WDR59: variants seen among roughly 807,000 people sequenced by gnomAD.
The protein encoded by WDR59 is WD repeat domain 59, also known as GATOR2 complex protein WDR59.
WDR59 carries 100 observed loss-of-function variants against 131.2 expected under a neutral mutation model. The observed-to-expected ratio is 0.76, with a 90% CI of 0.65 to 0.90. The LOEUF is 0.90. Among genes scored for constraint, WDR59 ranks in the 40% least tolerant of loss-of-function variants. The pLI, the probability that WDR59 is intolerant of heterozygous loss-of-function variation, is 0.00. For synonymous variants in WDR59, 601 were observed against 466.2 expected (o/e 1.29, Z -3.72); for missense variants, 1,203 against 1,262.2 (o/e 0.95, Z 0.71).
rs1964833037 is a variant in WDR59 at position 74,887,682 on chromosome 16, C to G, written c.2419+1G>C. 3 of 1,614,042 alleles carry G rather than the reference C, an allele frequency of 1.9e-6. No individual in the cohort carries two copies. Among genetic ancestry groups the G allele is most frequent in the Non-Finnish European group, 2.5e-6 (3 of 1,179,946 alleles). ...GTGGGCTAAGTCATTTCCATACAAA[C>G]CTATGTTCCAGCCGCCAGTGTTGAG... On this transcript the variant is annotated splice_donor_variant, in intron 23 of 25. Transcript: ENST00000262144. LOFTEE classifies it high-confidence loss of function.
rs762788348 is a variant in WDR59, at chr16:74,893,818, G to A, written c.1867-6C>T. The A allele has an allele frequency of 5.6e-6, 9 of 1,613,728 alleles. No individual in the cohort carries two copies. The highest frequency in any genetic ancestry group is 7.6e-6 in the Non-Finnish European group (9 of 1,179,866). On this transcript the variant is annotated splice_region_variant and splice_polypyrimidine_tract_variant and intron_variant, in intron 18 of 25. Transcript: ENST00000262144. ...CTTTTCCATCGTCTTGATTTCTAGG[G>A]GTAGATGACAGGATGTAACTAATGG... is the stretch of plus-strand genomic sequence containing the variant.
At chr16:74,924,781 C>T (rs535758864) in intron 8 of WDR59, among the ~76,000 whole-genome samples, 4 of 152,266 alleles carry the variant, frequency 2.6e-5, no homozygotes, top group African/African-American at 7.2e-5. Flanking sequence ...CTGGAAATCG[C>T]TATGGCAATT....
Position 74,923,933 on chromosome 16 carries a change from C to A in WDR59, c.722G>T (p.Arg241Ile). Residue 241 changes from arginine to isoleucine, a missense_variant, in exon 9 of 26, where the codon AGA becomes ATA. Arg to Ile is a moderately conservative substitution (Grantham distance 97, BLOSUM62 -3). Transcript: ENST00000262144. ...GCAGGGTGGCTCACTCACTGTGTAT[C>A]TGGCCTTCCAGACAGGCACCTGGCA... The part of the protein sequence containing the change: ...LPCQVPVWKA[R>I]YTPFSNGLVT... The A allele has an allele frequency of 6.2e-7, 1 of 1,613,424 alleles. No individual in the cohort carries two copies. The highest frequency in any genetic ancestry group is 2.2e-5 in the East Asian group (1 of 44,878).
chr16:74,911,648 C>A (rs933406830), intron 14 of WDR59, among the ~76,000 whole-genome samples: 3 of 152,214 alleles, frequency 2.0e-5, no homozygotes, highest in African/African-American at 7.2e-5. Flanking sequence ...GCTAGCCAGC[C>A]TGTCTCTAGG....
At chr16:74,918,240 G>C (rs1439414762) in intron 10 of WDR59, among the ~76,000 whole-genome samples, 5 of 152,064 alleles carry the variant, frequency 3.3e-5, no homozygotes, top group Non-Finnish European at 7.4e-5. Context: ...TAAAACATCT[G>C]GTATAAAGAA....
At chr16:74,983,067 G>T (rs1208003918) in intron 1 of WDR59, among the ~76,000 whole-genome samples, 2 of 152,190 alleles carry the variant, frequency 1.3e-5, no homozygotes, top group Non-Finnish European at 2.9e-5. Flanking sequence ...GAATGGCCAG[G>T]CACAGTCGCT....
Position 74,960,139 on chromosome 16 carries a change from G to A in WDR59, c.105-3529C>T, listed in dbSNP as rs535195696. ...GAGCTCAGGGGCTTGAGACCAGCCT[G>A]GGCAAAACGGTGAAACCCCGTTTCT... is the stretch of plus-strand genomic sequence containing the variant. On this transcript the variant is annotated intron_variant, in intron 2 of 25. Transcript: ENST00000262144. Among the ~76,000 whole-genome samples, 7 of 152,008 alleles carry A rather than the reference G, an allele frequency of 4.6e-5. No individual in the cohort carries two copies. The South Asian group carries it at 1.5e-3, about 32-fold the overall frequency.
At chr16:74,955,792 C>A (rs941560068) in intron 3 of WDR59, among the ~76,000 whole-genome samples, 1 of 151,972 alleles carries the variant, frequency 6.6e-6, no homozygotes, top group Non-Finnish European at 1.5e-5. Context: ...TCCTGCCAGC[C>A]CAATGCAAAA....
At chr16:74,940,988 G>A (rs992611464) in intron 7 of WDR59, among the ~76,000 whole-genome samples, 1 of 151,964 alleles carries the variant, frequency 6.6e-6, no homozygotes. Flanking sequence ...ACAGGTGTGA[G>A]CCACCGCGCC....
At chr16:74,956,424 C>T (rs757106570) in intron 3 of WDR59, 51 bp downstream of exon 3, 2 of 1,594,728 alleles carry the variant, frequency 1.3e-6, no homozygotes, top group African/African-American at 2.7e-5. Flanking sequence ...ATCTGCCAGC[C>T]CCAGATGACA....
chr16:74,971,062 A>T (rs1278326729), intron 1 of WDR59, among the ~76,000 whole-genome samples: 2 of 151,998 alleles, frequency 1.3e-5, no homozygotes, highest in Non-Finnish European at 2.9e-5. Flanking sequence ...AAAAAGCCAA[A>T]AAAAAGATGG....
chr16:74,905,469 C>G lies in WDR59; in HGVS notation c.1713-1369G>C, dbSNP rs144625225. ...GGCTGAGGCAGGCAGATCACGAGGT[C>G]AGGAAATCGAGACCATCCTGGCTAA... On this transcript the variant is annotated intron_variant, in intron 17 of 25. Transcript: ENST00000262144. 6.2e-3 allele frequency among the ~76,000 whole-genome samples: 948 copies of G among 151,752 alleles called. 5 individuals carry two copies. The highest frequency in any genetic ancestry group is 9.9e-3 in the Non-Finnish European group (671 of 67,946).
intron 1 of WDR59, among the ~76,000 whole-genome samples, chr16:74,975,198 T>C (rs746817390): frequency 6.6e-6 from 1 of 152,016 alleles, no homozygotes; most frequent in Non-Finnish European, 1.5e-5. Flanking sequence ...TCGTCTCTAC[T>C]AAAAATACAA....
intron 19 of WDR59, 56 bp downstream of exon 19, chr16:74,893,623 G>C: frequency 6.7e-7 from 1 of 1,483,512 alleles, no homozygotes; most frequent in South Asian, 1.4e-5. Flanking sequence ...AAAAAAAAAA[G>C]TTTTGCTAAT....
At chr16:74,979,259 T>C (rs1191206245) in intron 1 of WDR59, 1 of 151,516 alleles carries the variant, frequency 6.6e-6, no homozygotes, top group Admixed American at 6.6e-5. Context: ...GATCAGGAGA[T>C]TGAGACAATC....
intron 4 of WDR59, among the ~76,000 whole-genome samples, chr16:74,950,783 G>A (rs551863319): frequency 7.9e-5 from 12 of 152,274 alleles, no homozygotes; most frequent in African/African-American, 2.9e-4. Context: ...GCCACTCCCT[G>A]ACATCCACAT....
intron 25 of WDR59, among the ~76,000 whole-genome samples, chr16:74,880,453 T>C (rs931702654): frequency 2.0e-5 from 3 of 151,834 alleles, no homozygotes; most frequent in Non-Finnish European, 4.4e-5. Context: ...TCTCCAAAAA[T>C]AAATAAATTA....
Position 74,912,191 on chromosome 16 carries a change from C to A in WDR59, c.1389+7G>T, listed in dbSNP as rs764828485. ...AGCAAGGAGAATTTGGGAACCCAGA[C>A]CCCCACCTTCAGCAGCTTAGCTTTC... On this transcript the variant is annotated splice_region_variant and intron_variant, in intron 14 of 25. Transcript: ENST00000262144. 1.2e-6 allele frequency: 2 copies of A among 1,614,144 alleles called. No individual in the cohort carries two copies. The highest frequency in any genetic ancestry group is 1.1e-5 in the South Asian group (1 of 91,074).
chr16:74,905,581 C>G (rs1263266967), intron 17 of WDR59, among the ~76,000 whole-genome samples: 1 of 149,044 alleles, frequency 6.7e-6, no homozygotes, highest in South Asian at 2.1e-4. Context: ...ACTCGGGAGG[C>G]TGAGGCAGAA....
Sources: allele counts gnomAD v4.1 joint callset (sites outside exome capture counted in the v4.1 genomes callset), GRCh38; gene constraint gnomAD v4.1.1; transcripts MANE v1.5; gene names NCBI Gene and HGNC (gene_info 2026-07-23, HGNC 2026-07-21).